ITPR2: variants seen among roughly 807,000 people sequenced by gnomAD.
ITPR2 encodes inositol 1,4,5-trisphosphate receptor type 2.
A neutral mutation model predicts 317.1 loss-of-function variants in ITPR2; 207 were observed. The observed-to-expected ratio is 0.65, with a 90% confidence interval of 0.58 to 0.73. The LOEUF (loss-of-function observed/expected upper bound fraction) is 0.73, where lower values mean the gene tolerates loss of function less well. ITPR2 is among the 30% of genes least tolerant of loss of function. The pLI is 0.00. For synonymous variants in ITPR2, 1,156 were observed against 1,149.1 expected (o/e 1.01, Z -0.12); for missense variants, 2,613 against 3,284.0 (o/e 0.80, Z 4.99).
At chr12:26,491,319 T>G (rs1232503706) in intron 39 of ITPR2, among the ~76,000 whole-genome samples, 2 of 151,256 alleles carry the variant, frequency 1.3e-5, no homozygotes, top group Non-Finnish European at 2.9e-5. Flanking sequence ...CCGTCTCTAC[T>G]AAAAATACAA....
At chr12:26,665,212 A>G (rs1947597731) in intron 14 of ITPR2, among the ~76,000 whole-genome samples, 1 of 152,216 alleles carries the variant, frequency 6.6e-6, no homozygotes, top group African/African-American at 2.4e-5. Context: ...TGATGAACAG[A>G]CTGCCCTACT....
At chr12:26,771,610 G>A (rs952971073) in intron 2 of ITPR2, among the ~76,000 whole-genome samples, 3 of 152,146 alleles carry the variant, frequency 2.0e-5, no homozygotes, top group Non-Finnish European at 4.4e-5. Context: ...TGCCTCCCGG[G>A]TTCACACCAT....
In ITPR2 at chr12:26,556,332, T is replaced by C; in HGVS notation, c.4865A>G (p.Gln1622Arg). 6.2e-7 allele frequency: 1 copy of C among 1,613,962 alleles called. No individual in the cohort carries two copies. The highest frequency in any genetic ancestry group is 8.5e-7 in the Non-Finnish European group (1 of 1,179,866). ...ATCAACCAACACTGAGAATTCAGCC[T>C]GCATCATTGGGCTGAACTGGTGCTC... ...SLEHQFSPMM[Q>R]AEFSVLVDVL... The change falls in exon 36 of 57, where the codon CAG becomes CGG. Residue 1622 changes from glutamine (Q) to arginine (R), a missense_variant. Transcript: ENST00000381340.
intron 19 of ITPR2, 65 bp downstream of exon 19, chr12:26,656,232 G>C (rs1419320748): frequency 1.3e-6 from 2 of 1,574,976 alleles, no homozygotes; most frequent in South Asian, 1.2e-5. Flanking sequence ...TTTCAAAACT[G>C]TAGACATTTG....
At chr12:26,404,224 A>G (rs1255804111) in intron 52 of ITPR2, among the ~76,000 whole-genome samples, 2 of 152,214 alleles carry the variant, frequency 1.3e-5, no homozygotes, top group African/African-American at 4.8e-5. Flanking sequence ...GGAAGGCAGC[A>G]TTAAATACAA....
rs544328600 is a variant in ITPR2, at chr12:26,814,022, C to T, written c.92+18668G>A. ...ACTGCTCTTCTCCTACTCGTGATGA[C>T]GTCACCTTTGCCATCAGAGCAGCTG... On this transcript the variant is annotated intron_variant, in intron 1 of 56. Coordinates refer to ENST00000381340, the MANE Select transcript of ITPR2 (RefSeq NM_002223.4). Among the ~76,000 whole-genome samples, 8 of 152,300 alleles carry T rather than the reference C, an allele frequency of 5.3e-5. No homozygotes were observed. In the South Asian group the frequency reaches 6.2e-4, roughly 12 times the overall value.
rs1323331776 is a variant in ITPR2, at chr12:26,439,178, G to A, written c.6592C>T (p.Gln2198Ter). The A allele has an allele frequency of 6.2e-7, 1 of 1,611,876 alleles. No homozygotes were observed. Among genetic ancestry groups the A allele is most frequent in the South Asian group, 1.1e-5 (1 of 90,544 alleles). The change falls in exon 47 of 57, where the codon CAG becomes TAG. Residue 2198 changes from glutamine (Q) to a stop codon, truncating the protein, a stop_gained. Transcript: ENST00000381340. LOFTEE classifies it high-confidence loss of function. ...EQGSKVNDFF[Q>*]QTEDLYNEMK... is the part of the protein sequence containing the mutation. Reference sequence around the variant, plus strand: ...TCATTGTAGAGATCTTCTGTTTGCTGGAAAAAGTCATTCACTTTACTTCCT... The same window carrying A: ...TCATTGTAGAGATCTTCTGTTTGCTAGAAAAAGTCATTCACTTTACTTCCT...
Position 26,525,898 on chromosome 12 carries a change from T to C in ITPR2, c.5073+24349A>G, listed in dbSNP as rs182672341. ...ATTAGACTGTCTCACTTTCAGCCACTATAATTCAACCCTAAGCCCCAACCT... is the reference window on the plus strand; with the variant it reads ...ATTAGACTGTCTCACTTTCAGCCACCATAATTCAACCCTAAGCCCCAACCT... On this transcript the variant is annotated intron_variant, in intron 37 of 56. Transcript: ENST00000381340. 6.2e-4 allele frequency among the ~76,000 whole-genome samples: 94 copies of C among 152,322 alleles called. 1 individual carries two copies. Among genetic ancestry groups the C allele is most frequent in the African/African-American group, 2.2e-3 (90 of 41,582 alleles).
chr12:26,347,617 G>C (rs1938349115), intron 55 of ITPR2, among the ~76,000 whole-genome samples: 1 of 152,188 alleles, frequency 6.6e-6, no homozygotes, highest in Non-Finnish European at 1.5e-5. Context: ...CACTGCACCA[G>C]ATCACTCTGC....
At chr12:26,670,155 CAG>C (rs1215832783) in intron 13 of ITPR2, among the ~76,000 whole-genome samples, 1 of 152,168 alleles carries the variant, frequency 6.6e-6, no homozygotes, top group Non-Finnish European at 1.5e-5. Flanking sequence ...GTAACCTCTG[CAG>C]ACTTAAATGT....
At chr12:26,780,516 T>C (rs976202379) in intron 2 of ITPR2, among the ~76,000 whole-genome samples, 1 of 152,168 alleles carries the variant, frequency 6.6e-6, no homozygotes, top group Admixed American at 6.5e-5. Flanking sequence ...GCTCATGGAA[T>C]TTACTGGACT....
intron 37 of ITPR2, among the ~76,000 whole-genome samples, chr12:26,525,093 C>T (rs1002967452): frequency 1.3e-5 from 2 of 152,100 alleles, no homozygotes; most frequent in African/African-American, 4.8e-5. Flanking sequence ...CTCTACAGGC[C>T]GTCCATTCAC....
At chr12:26,464,786 TGGTGTGCCATGGGCACACACAG>T (rs1284040983) in intron 45 of ITPR2, among the ~76,000 whole-genome samples, 3 of 152,142 alleles carry the variant, frequency 2.0e-5, no homozygotes, top group African/African-American at 7.2e-5. Context: ...ACAGCAGGCG[TGGTGTGCCATGGGCACACACAG>T]GAGGGACATC....
At chr12:26,502,351 A>T (rs886443527) in intron 37 of ITPR2, among the ~76,000 whole-genome samples, 1 of 152,172 alleles carries the variant, frequency 6.6e-6, no homozygotes, top group South Asian at 2.1e-4. Context: ...AGCTGAGAGG[A>T]GGGTAAGTAA....
chr12:26,340,374 G>T, intron 55 of ITPR2, 46 bp from the exon 56 acceptor site: 1 of 1,529,496 alleles, frequency 6.5e-7, no homozygotes, highest in South Asian at 1.3e-5. Context: ...AGTATGGAAG[G>T]GGAGAATGTC....
intron 37 of ITPR2, among the ~76,000 whole-genome samples, chr12:26,535,836 CATAA>C (rs2136969851): frequency 6.6e-6 from 1 of 151,992 alleles, no homozygotes; most frequent in African/African-American, 2.4e-5. Context: ...AGATGGTGCA[CATAA>C]ATAAGAAAAG....
chr12:26,766,934 G>A lies in ITPR2; in HGVS notation c.163+23223C>T, dbSNP rs554276783. Among the ~76,000 whole-genome samples the A allele has an allele frequency of 2.0e-4, 31 of 152,244 alleles. No homozygotes were observed. The South Asian group carries it at 6.0e-3, about 30-fold the overall frequency. ...AACCACTGAAAACATTAGCTAGTAC[G>A]ATGTATATATGCAGGTGCATGTGTG... On this transcript the variant is annotated intron_variant, in intron 2 of 56. Transcript: ENST00000381340.
At chr12:26,676,935 T>A (rs1300701093) in intron 13 of ITPR2, among the ~76,000 whole-genome samples, 3 of 152,060 alleles carry the variant, frequency 2.0e-5, no homozygotes, top group Non-Finnish European at 4.4e-5. Flanking sequence ...AGAACTAAGG[T>A]TCTAAACAAC....
chr12:26,621,412 CCAGTATT>C, intron 25 of ITPR2, 116 bp from the exon 26 acceptor site: 2 of 604,668 alleles, frequency 3.3e-6, no homozygotes, highest in Non-Finnish European at 5.3e-6. Flanking sequence ...GAACACTTAA[CCAGTATT>C]TTCACACATT....
Sources: gnomAD v4.1 joint callset for allele counts (sites outside exome capture counted in the v4.1 genomes callset) on GRCh38, gnomAD v4.1.1 for gene constraint, MANE v1.5 for transcripts, NCBI Gene and HGNC (gene_info 2026-07-23, HGNC 2026-07-21) for gene names.